PCTP: variants seen among roughly 807,000 people sequenced by gnomAD.
PCTP encodes the protein START domain-containing protein 2.
A neutral mutation model predicts 31.0 loss-of-function variants in PCTP; 27 were observed. That is an observed-to-expected ratio of 0.87 (90% CI 0.64 to 1.20). PCTP has a LOEUF of 1.20. PCTP is among the 50% of genes most tolerant of loss of function. The probability of loss-of-function intolerance (pLI) is 0.00; values close to 1 mark genes in which losing one functional copy is unlikely to be tolerated. For synonymous variants in PCTP, 108 were observed against 101.2 expected (o/e 1.07, Z -0.40); for missense variants, 287 against 268.2 (o/e 1.07, Z -0.49).
At chr17:55,783,742 G>A (rs1237820179) in intron 2 of PCTP, among the ~76,000 whole-genome samples, 1 of 152,190 alleles carries the variant, frequency 6.6e-6, no homozygotes, top group Non-Finnish European at 1.5e-5. Flanking sequence ...AAGCTTCCAA[G>A]TAGGAGTTCG....
At chr17:55,809,650 G>T (rs760598661) in intron 3 of PCTP, among the ~76,000 whole-genome samples, 2 of 151,854 alleles carry the variant, frequency 1.3e-5, no homozygotes, top group Non-Finnish European at 2.9e-5. Flanking sequence ...AGCCTCCTGA[G>T]TAGCTGGGAT....
At chr17:55,833,263 A>G (rs1484329331) in intron 5 of PCTP, among the ~76,000 whole-genome samples, 1 of 152,242 alleles carries the variant, frequency 6.6e-6, no homozygotes, top group Non-Finnish European at 1.5e-5. Context: ...CAGCAAGTAT[A>G]GATACAGAAG....
At chr17:55,765,890 C>T (rs900755265) in intron 1 of PCTP, among the ~76,000 whole-genome samples, 4 of 152,170 alleles carry the variant, frequency 2.6e-5, no homozygotes, top group Non-Finnish European at 5.9e-5. Context: ...AAGATGCCAG[C>T]CCACCAATCT....
At chr17:55,815,130 T>C (rs1336675085) in intron 3 of PCTP, among the ~76,000 whole-genome samples, 1 of 152,236 alleles carries the variant, frequency 6.6e-6, no homozygotes, top group African/African-American at 2.4e-5. Context: ...AGTTCAATGT[T>C]ATGCACAAAA....
intron 5 of PCTP, among the ~76,000 whole-genome samples, chr17:55,828,156 A>C (rs115797482): frequency 2.0e-5 from 3 of 152,216 alleles, no homozygotes; most frequent in Admixed American, 6.5e-5. Context: ...TAAGTTTCCT[A>C]CGTGAGAAAG....
intron 5 of PCTP, chr17:55,775,262 T>G: frequency 8.1e-7 from 1 of 1,234,766 alleles, no homozygotes. Flanking sequence ...GAGGAAAGCT[T>G]CCACTTTTGT....
At chr17:55,816,894 G>A (rs1324180027) in intron 3 of PCTP, among the ~76,000 whole-genome samples, 2 of 152,136 alleles carry the variant, frequency 1.3e-5, no homozygotes, top group African/African-American at 4.8e-5. Flanking sequence ...AAAGCTTGGG[G>A]TAAAGATCAT....
chr17:55,819,104 C>G (rs756360087), intron 3 of PCTP, among the ~76,000 whole-genome samples: 1 of 148,442 alleles, frequency 6.7e-6, no homozygotes, highest in African/African-American at 2.5e-5. Flanking sequence ...ATAACAGCGA[C>G]ACCCCTTCAT....
chr17:55,797,913 A>G (rs1177871940), intron 3 of PCTP, among the ~76,000 whole-genome samples: 1 of 152,062 alleles, frequency 6.6e-6, no homozygotes, highest in African/African-American at 2.4e-5. Context: ...AAAGCAGACA[A>G]GAGTGCCAGA....
chr17:55,845,850 A>T (rs796430113), downstream of PCTP, among the ~76,000 whole-genome samples: 1 of 149,082 alleles, frequency 6.7e-6, no homozygotes, highest in African/African-American at 2.5e-5. Flanking sequence ...GCTTAGGATG[A>T]ATTTCAAACT....
downstream of PCTP, among the ~76,000 whole-genome samples, chr17:55,780,089 ACTTTT>A (rs1486277654): frequency 7.1e-6 from 1 of 140,372 alleles, no homozygotes; most frequent in Non-Finnish European, 1.5e-5. Context: ...GCAAGGAAGA[ACTTTT>A]TTTTTTTTTT....
At chr17:55,767,080 T>A (rs1272193434) in intron 1 of PCTP, among the ~76,000 whole-genome samples, 1 of 152,240 alleles carries the variant, frequency 6.6e-6, no homozygotes, top group Non-Finnish European at 1.5e-5. Context: ...GTATCTGTTC[T>A]TGTCCTTCAC....
rs1476772025 is a variant in PCTP at position 55,767,333 on chromosome 17, A to G, written c.142-2A>G. 2.5e-6 allele frequency: 4 copies of G among 1,580,988 alleles called. No homozygotes were observed. Among genetic ancestry groups the G allele is most frequent in the Admixed American group, 1.7e-5 (1 of 59,202 alleles). On this transcript the variant is annotated splice_acceptor_variant, in intron 1 of 5. Coordinates refer to ENST00000268896, the MANE Select transcript of PCTP (RefSeq NM_021213.4). LOFTEE classifies it high-confidence loss of function. ...ACATTTCTACCTGTTCTGTTTTTAT[A>G]GAAGACTGGACTTTATGAGTATAAA...
exon 6 of PCTP, chr17:55,842,795 T>G (rs1312203158): frequency 1.3e-5 from 2 of 152,258 alleles, no homozygotes; most frequent in Non-Finnish European, 2.9e-5. Context: ...TGGAATTTCA[T>G]AGAGGCAGCG....
chr17:55,777,538 T>C (rs1911399125), downstream of PCTP, among the ~76,000 whole-genome samples: 1 of 152,222 alleles, frequency 6.6e-6, no homozygotes, highest in South Asian at 2.1e-4. Context: ...TATCTTCATG[T>C]AGGGATCAAT....
Position 55,767,380 on chromosome 17 carries a change from T to G in PCTP, c.187T>G (p.Cys63Gly). Reference sequence around the variant, plus strand: ...TAAAGTCTTTGGTGTTCTGGAGGACTGCTCACCAACTCTACTGGCAGACAT... The same window carrying G: ...TAAAGTCTTTGGTGTTCTGGAGGACGGCTCACCAACTCTACTGGCAGACAT... Reference protein sequence around the residue: ...EYKVFGVLEDCSPTLLADIYM... With the variant: ...EYKVFGVLEDGSPTLLADIYM... The change falls in exon 2 of 6, where the codon TGC becomes GGC. Residue 63 changes from cysteine to glycine, a missense_variant. Transcript: ENST00000268896. The G allele has an allele frequency of 6.2e-7, 1 of 1,613,610 alleles. No individual in the cohort carries two copies. The highest frequency in any genetic ancestry group is 8.5e-7 in the Non-Finnish European group (1 of 1,179,564).
intron 2 of PCTP, among the ~76,000 whole-genome samples, chr17:55,786,432 T>G (rs1911749797): frequency 6.6e-6 from 1 of 152,246 alleles, no homozygotes; most frequent in African/African-American, 2.4e-5. Context: ...CACACCAACA[T>G]GGCACATGTA....
intron 1 of PCTP, among the ~76,000 whole-genome samples, chr17:55,765,563 C>T (rs1466306814): frequency 6.6e-6 from 1 of 152,174 alleles, no homozygotes; most frequent in Non-Finnish European, 1.5e-5. Context: ...TTCAAATCAC[C>T]ATCATTTCTT....
chr17:55,751,290 G>C (rs766614243), intron 1 of PCTP, 46 bp downstream of exon 1: 15 of 1,519,808 alleles, frequency 9.9e-6, no homozygotes, highest in East Asian at 5.0e-5. Flanking sequence ...GAATGCGCCG[G>C]GGTCGACCTC....
Sources: allele counts gnomAD v4.1 joint callset (sites outside exome capture counted in the v4.1 genomes callset), GRCh38; gene constraint gnomAD v4.1.1; transcripts MANE v1.5; gene names NCBI Gene and HGNC (gene_info 2026-07-23, HGNC 2026-07-21).